CSMD3: variants seen among roughly 807,000 people sequenced by gnomAD.
The protein encoded by CSMD3 is CUB and sushi domain-containing protein 3.
Under a neutral mutation model 435.2 loss-of-function variants are expected in CSMD3, and 177 were observed. That is an observed-to-expected ratio of 0.41 (90% confidence interval 0.36 to 0.46). The LOEUF is 0.46. Ranked by LOEUF, CSMD3 falls within the 20% of genes least tolerant of loss-of-function variation. The pLI, the probability that CSMD3 is intolerant of heterozygous loss-of-function variation, is 0.34. For missense variants in CSMD3, 4,265 were observed against 4,504.6 expected (o/e 0.95, Z 1.52); for synonymous variants, 1,656 against 1,520.5 (o/e 1.09, Z -2.07).
chr8:113,024,853 G>A (rs994270120), intron 5 of CSMD3, among the ~76,000 whole-genome samples: 1 of 152,094 alleles, frequency 6.6e-6, no homozygotes, highest in Non-Finnish European at 1.5e-5. Flanking sequence ...TACCTATCAA[G>A]TAATTTCTCA....
chr8:112,355,977 A>G (rs756099578), intron 38 of CSMD3, among the ~76,000 whole-genome samples: 12 of 152,238 alleles, frequency 7.9e-5, no homozygotes, highest in Non-Finnish European at 1.6e-4. Context: ...TCAAAACCAC[A>G]GTAAGATACC....
intron 32 of CSMD3, among the ~76,000 whole-genome samples, chr8:112,447,796 T>C (rs1293779284): frequency 1.3e-5 from 2 of 152,204 alleles, no homozygotes; most frequent in Non-Finnish European, 2.9e-5. Flanking sequence ...ACTAAGGTGT[T>C]AATAAATTGA....
intron 32 of CSMD3, among the ~76,000 whole-genome samples, chr8:112,446,115 C>A (rs1815578227): frequency 6.6e-6 from 1 of 152,142 alleles, no homozygotes; most frequent in African/African-American, 2.4e-5. Context: ...CATGATAACA[C>A]ATAGCTAAGA....
intron 3 of CSMD3, among the ~76,000 whole-genome samples, chr8:113,260,570 T>C (rs1401438828): frequency 6.6e-6 from 1 of 152,180 alleles, no homozygotes; most frequent in African/African-American, 2.4e-5. Flanking sequence ...TTCTGTGACA[T>C]GTTAACTTGT....
Position 113,281,009 on chromosome 8 carries a change from G to A in CSMD3, c.402-2305C>T, listed in dbSNP as rs143546733. On this transcript the variant is annotated intron_variant, in intron 2 of 70. Transcript: ENST00000297405. ...TGATTTCCAGTTTCATTCCACTGTG[G>A]TCTAAGACAGTGCTTGATATAATTT... Among the ~76,000 whole-genome samples the A allele has an allele frequency of 1.6e-3, 247 of 151,920 alleles. 1 individual carries two copies. The highest frequency in any genetic ancestry group is 5.7e-3 in the African/African-American group (236 of 41,474).
intron 23 of CSMD3, among the ~76,000 whole-genome samples, chr8:112,586,084 A>C (rs1024082966): frequency 1.3e-5 from 2 of 151,660 alleles, no homozygotes; most frequent in Non-Finnish European, 3.0e-5. Flanking sequence ...AGCCTATACA[A>C]ATCTTATAAG....
At chr8:113,174,649 GAAA>G (rs922973770) in intron 3 of CSMD3, among the ~76,000 whole-genome samples, 3 of 151,666 alleles carry the variant, frequency 2.0e-5, no homozygotes, top group African/African-American at 7.2e-5. Flanking sequence ...ATTCAATTCA[GAAA>G]AAATCCAACT....
chr8:113,155,746 G>T (rs748852720), intron 4 of CSMD3, among the ~76,000 whole-genome samples: 1 of 152,052 alleles, frequency 6.6e-6, no homozygotes, highest in Non-Finnish European at 1.5e-5. Context: ...AGATCATGTT[G>T]GTTCTGAAAA....
intron 11 of CSMD3, among the ~76,000 whole-genome samples, chr8:112,851,676 A>G (rs561095277): frequency 6.6e-6 from 1 of 151,894 alleles, no homozygotes. Flanking sequence ...AGACAGGAGA[A>G]TTGCTTGAAC....
intron 63 of CSMD3, among the ~76,000 whole-genome samples, chr8:112,252,669 A>G (rs1230021490): frequency 3.6e-5 from 4 of 110,776 alleles, no homozygotes; most frequent in Non-Finnish European, 6.8e-5. Flanking sequence ...CAGATTTAGT[A>G]TGTGTGTGTG....
chr8:113,012,346 G>A (rs17602393), intron 6 of CSMD3, among the ~76,000 whole-genome samples: 102,228 of 151,696 alleles, frequency 0.67, 36,044 homozygotes, highest in East Asian at 0.95. Context: ...TTACACTAAC[G>A]AAGTTCCATC....
intron 32 of CSMD3, among the ~76,000 whole-genome samples, chr8:112,421,214 C>A (rs934126350): frequency 1.3e-5 from 2 of 151,736 alleles, no homozygotes; most frequent in Non-Finnish European, 2.9e-5. Context: ...CTTACTTATT[C>A]TCACTATAAA....
intron 3 of CSMD3, among the ~76,000 whole-genome samples, chr8:113,183,438 G>C (rs2092452035): frequency 6.6e-6 from 1 of 151,920 alleles, no homozygotes; most frequent in South Asian, 2.1e-4. Flanking sequence ...TTCAAACCAT[G>C]GCTTACACTG....
At chr8:112,825,762 C>T (rs73702231) in intron 12 of CSMD3, among the ~76,000 whole-genome samples, 2,051 of 152,228 alleles carry the variant, frequency 0.013, 49 homozygotes, top group African/African-American at 0.047. Context: ...AGTAGGAACA[C>T]TCCTGTATAG....
rs183567983 is a variant in CSMD3 at position 112,424,451 on chromosome 8, A to G, written c.5396-15419T>C. Among the ~76,000 whole-genome samples the G allele has an allele frequency of 9.2e-5, 14 of 152,290 alleles. No homozygotes were observed. In the East Asian group the frequency reaches 1.7e-3, roughly 19 times the overall value. On this transcript the variant is annotated intron_variant, in intron 32 of 70. Coordinates refer to ENST00000297405, the MANE Select transcript of CSMD3 (RefSeq NM_198123.2). ...ACTTTGTATTATGTTTTGGTCTTCA[A>G]TGGTTTACAAAGCCATGGTAACTCA...
intron 1 of CSMD3, among the ~76,000 whole-genome samples, chr8:113,385,638 A>C (rs945160454): frequency 6.6e-6 from 1 of 152,060 alleles, no homozygotes; most frequent in Admixed American, 6.6e-5. Context: ...ACCCCAGGGA[A>C]TATGTCAGAG....
intron 27 of CSMD3, among the ~76,000 whole-genome samples, chr8:112,528,831 G>A (rs924042605): frequency 1.1e-4 from 17 of 152,048 alleles, no homozygotes; most frequent in African/African-American, 3.4e-4. Context: ...TTCTCCCAGA[G>A]GAGAAAGGCC....
intron 41 of CSMD3, 91 bp from the exon 42 acceptor site, chr8:112,341,777 A>G (rs557307362): frequency 2.4e-4 from 203 of 855,510 alleles, no homozygotes; most frequent in Non-Finnish European, 3.7e-4. Context: ...ATGTACTTAG[A>G]TAAGTTTGCA....
At chr8:113,058,192 G>T (rs1241399980) in intron 5 of CSMD3, among the ~76,000 whole-genome samples, 1 of 151,770 alleles carries the variant, frequency 6.6e-6, no homozygotes, top group Admixed American at 6.6e-5. Context: ...ACCCTATCAA[G>T]AAAGCTTTTG....
Sources: allele counts gnomAD v4.1 joint callset (sites outside exome capture counted in the v4.1 genomes callset), GRCh38; gene constraint gnomAD v4.1.1; transcripts MANE v1.5; gene names NCBI Gene and HGNC (gene_info 2026-07-23, HGNC 2026-07-21).